The following ARFGAP1 variants were observed in gnomAD, a reference collection of about 807,000 sequenced individuals.
The protein encoded by ARFGAP1 is ADP-ribosylation factor GTPase-activating protein 1.
Under a neutral mutation model 54.0 loss-of-function variants are expected in ARFGAP1, and 26 were observed. That is an observed-to-expected ratio of 0.48 (90% CI 0.35 to 0.67). ARFGAP1 has a LOEUF of 0.67. Ranked by LOEUF, ARFGAP1 falls within the 30% of genes least tolerant of loss-of-function variation. The pLI, the probability that ARFGAP1 is intolerant of heterozygous loss-of-function variation, is 0.00. For missense variants in ARFGAP1, 525 were observed against 535.8 expected (o/e 0.98, Z 0.20); for synonymous variants, 248 against 211.9 (o/e 1.17, Z -1.48).
At chr20:63,284,656 G>T in intron 9 of ARFGAP1, 1 of 1,410,696 alleles carries the variant, frequency 7.1e-7, no homozygotes, top group South Asian at 1.4e-5. Context: ...AATTGGTGGG[G>T]GCCGCGGTCT....
At position 63,276,605 on chromosome 20, in the gene ARFGAP1, T is replaced by C. The variant is rs2067243096; in HGVS notation, c.296T>C (p.Leu99Ser). ...SQEDYDPCWS[L>S]QEKYNSRAAA... ...GAGGATTACGATCCTTGCTGGTCCT[T>C]GCAGGAGAAGTACAACAGCAGAGCC... Residue 99 changes from leucine (L) to serine (S), a missense_variant, in exon 4 of 13, where the codon TTG becomes TCG. Leu to Ser is a moderately radical substitution (Grantham distance 145). Around this residue, in one of 3 missense-constraint regions of ARFGAP1, gnomAD observed 466 missense variants for 453.6 expected, o/e 1.03. Coordinates refer to ENST00000370283, the MANE Select transcript of ARFGAP1 (RefSeq NM_018209.4). The surrounding 1 kb of genome is among the most constrained non-coding windows in gnomAD (Gnocchi z 5.2). 6.2e-7 allele frequency: 1 copy of C among 1,613,844 alleles called. No homozygotes were observed. Among genetic ancestry groups the C allele is most frequent in the Non-Finnish European group, 8.5e-7 (1 of 1,179,936 alleles).
rs1159965515 is a variant in ARFGAP1, at chr20:63,288,306, C to G, written c.*433C>G. 1 of 468,810 alleles carries G rather than the reference C, an allele frequency of 2.1e-6. No homozygotes were observed. The highest frequency in any genetic ancestry group is 2.0e-5 in the African/African-American group (1 of 50,626). The allele number at this position is 468,810 out of a possible 1,614,324, so 29.0% of individuals were successfully genotyped here. A position where few individuals can be genotyped will look rare whatever the true frequency, so the allele number is the denominator to read the frequency against. ...TGAGATATTTAACTTTGGTTTTGCT[C>G]TAGTTCTTTCTTTTTGAAGAGAGTG... On this transcript the variant is annotated 3_prime_UTR_variant, in exon 13 of 13. Transcript: ENST00000370283.
chr20:63,285,999 G>A, intron 11 of ARFGAP1: 1 of 1,532,216 alleles, frequency 6.5e-7, no homozygotes. Context: ...CGTCTTTGCT[G>A]CCATCAGTCC....
chr20:63,285,785 C>T, intron 11 of ARFGAP1, 72 bp downstream of exon 11: 5 of 1,575,484 alleles, frequency 3.2e-6, no homozygotes, highest in South Asian at 2.2e-5. Flanking sequence ...GGCGTGAGAG[C>T]AGGGTGTGCC....
intron 5 of ARFGAP1, among the ~76,000 whole-genome samples, chr20:63,277,655 C>T (rs560949131): frequency 6.6e-6 from 1 of 152,294 alleles, no homozygotes; most frequent in South Asian, 2.1e-4. Flanking sequence ...GGCCCTGGCA[C>T]CCTTGAACTG....
intron 7 of ARFGAP1, among the ~76,000 whole-genome samples, chr20:63,279,872 C>G (rs2067332772): frequency 6.6e-6 from 1 of 152,218 alleles, no homozygotes; most frequent in African/African-American, 2.4e-5. Context: ...GGTGTGATGG[C>G]TCACGCCTGT....
chr20:63,279,190 A>G (rs2067314247), intron 7 of ARFGAP1, 195 bp downstream of exon 7: 1 of 674,988 alleles, frequency 1.5e-6, no homozygotes, highest in South Asian at 1.6e-5. Flanking sequence ...AAATGTATTC[A>G]ATCACTTCCT....
At chr20:63,286,124 G>T (rs776849295) in intron 11 of ARFGAP1, 1 of 1,550,134 alleles carries the variant, frequency 6.5e-7, no homozygotes, top group African/African-American at 1.4e-5. Flanking sequence ...CAAGCATGTG[G>T]TGGGAGCTCT....
intron 12 of ARFGAP1, chr20:63,286,961 C>G: frequency 6.1e-6 from 1 of 164,016 alleles, no homozygotes; most frequent in Non-Finnish European, 1.3e-5. Context: ...CTGCTGGAAG[C>G]TGGCTGCTGT....
intron 8 of ARFGAP1, among the ~76,000 whole-genome samples, chr20:63,281,725 C>T (rs746707105): frequency 6.6e-6 from 1 of 152,172 alleles, no homozygotes; most frequent in Non-Finnish European, 1.5e-5. Flanking sequence ...GTTTTGAGAG[C>T]GATTTCTCTC....
At position 63,276,781 on chromosome 20, in the gene ARFGAP1, A is replaced by C; in HGVS notation, c.342+130A>C. On this transcript the variant is annotated intron_variant, in intron 4 of 12. Transcript: ENST00000370283. This position sits in a 1 kb window ranked among gnomAD's most constrained non-coding sequence, Gnocchi z 5.2. ...GGTTCTGACACACCCACTGGGCCACACACAACTTGCCGCCCTGGAGCAGAG... is the reference window on the plus strand; with the variant it reads ...GGTTCTGACACACCCACTGGGCCACCCACAACTTGCCGCCCTGGAGCAGAG... 1 of 1,136,578 alleles carries C rather than the reference A, an allele frequency of 8.8e-7. No individual in the cohort carries two copies. Among genetic ancestry groups the C allele is most frequent in the Non-Finnish European group, 1.2e-6 (1 of 823,670 alleles). The allele number at this position is 1,136,578 out of a possible 1,614,324, so 70.4% of individuals were successfully genotyped here.
At chr20:63,280,184 G>T (rs145261332) in intron 7 of ARFGAP1, among the ~76,000 whole-genome samples, 7 of 152,358 alleles carry the variant, frequency 4.6e-5, no homozygotes, top group Middle Eastern at 6.8e-3. Flanking sequence ...ATTGTTGTCC[G>T]TGACACCAGC....
intron 2 of ARFGAP1, 79 bp downstream of exon 2, chr20:63,275,719 T>A: frequency 7.1e-7 from 1 of 1,411,338 alleles, no homozygotes; most frequent in Non-Finnish European, 1.0e-6. Flanking sequence ...TCTGAGCCTG[T>A]AGTTCTGGGA....
intron 9 of ARFGAP1, 62 bp downstream of exon 9, chr20:63,282,913 G>A (rs960402756): frequency 1.9e-4 from 293 of 1,577,386 alleles, no homozygotes; most frequent in Non-Finnish European, 2.4e-4. Flanking sequence ...CTGACGTCAC[G>A]TGCAGCACCT....
rs2067416957 is a variant in ARFGAP1 at position 63,282,729 on chromosome 20, A to G, written c.685-90A>G. On this transcript the variant is annotated intron_variant, in intron 8 of 12. Transcript: ENST00000370283. ...GGCAGCCCGGGGGCCATTGAGAGACAGTCCTGGACCTGAGTCTGTGGGCCC... is the reference window on the plus strand; with the variant it reads ...GGCAGCCCGGGGGCCATTGAGAGACGGTCCTGGACCTGAGTCTGTGGGCCC... 5 of 1,388,686 alleles carry G rather than the reference A, an allele frequency of 3.6e-6. 1 individual carries two copies. In the South Asian group the frequency reaches 5.8e-5, roughly 16 times the overall value. The allele number at this position is 1,388,686 out of a possible 1,614,324, so 86.0% of individuals were successfully genotyped here.
At position 63,288,442 on chromosome 20, in the gene ARFGAP1, G is replaced by A. The variant is rs1429930242; in HGVS notation, c.*569G>A. ...TGCCTGGGCCTGTGCTGTCAGACCC[G>A]CGTCGGTCGTAACCCTCTGTGGCTC... On this transcript the variant is annotated 3_prime_UTR_variant, in exon 13 of 13. Coordinates refer to ENST00000370283, the MANE Select transcript of ARFGAP1 (RefSeq NM_018209.4). 4.4e-6 allele frequency: 2 copies of A among 455,956 alleles called. No individual in the cohort carries two copies. Among genetic ancestry groups the A allele is most frequent in the African/African-American group, 2.0e-5 (1 of 50,060 alleles). The allele number at this position is 455,956 out of a possible 1,614,324, so 28.2% of individuals were successfully genotyped here.
chr20:63,280,554 C>A (rs1275465104), intron 7 of ARFGAP1, among the ~76,000 whole-genome samples: 1 of 152,262 alleles, frequency 6.6e-6, no homozygotes, highest in African/African-American at 2.4e-5. Flanking sequence ...TGCAAGAGCC[C>A]CCAAGTGTGT....
At chr20:63,283,924 G>A (rs769019193) in intron 9 of ARFGAP1, 39 of 1,610,424 alleles carry the variant, frequency 2.4e-5, no homozygotes, top group Admixed American at 1.3e-4. Context: ...CATCTCCGCC[G>A]AGAATGTGCT....
chr20:63,276,758 T>C lies in ARFGAP1; in HGVS notation c.342+107T>C, dbSNP rs1013114482. ...GTTCTGGAGTCGGTTCTTCTGCTGG[T>C]TCTGACACACCCACTGGGCCACACA... On this transcript the variant is annotated intron_variant, in intron 4 of 12. Transcript: ENST00000370283. This position sits in a 1 kb window ranked among gnomAD's most constrained non-coding sequence, Gnocchi z 5.2. The C allele has an allele frequency of 7.7e-7, 1 of 1,305,694 alleles. No individual in the cohort carries two copies. The highest frequency in any genetic ancestry group is 1.0e-6 in the Non-Finnish European group (1 of 968,852). 80.9% of individuals were successfully genotyped at this position (1,305,694 alleles called of 1,614,324 possible).
Sources: gnomAD v4.1 joint callset for allele counts (sites outside exome capture counted in the v4.1 genomes callset) on GRCh38, gnomAD v4.1.1 for gene constraint, gnomAD v4.1.1 regional missense constraint, Gnocchi (gnomAD v3.1) non-coding constraint, MANE v1.5 for transcripts, NCBI Gene and HGNC (gene_info 2026-07-23, HGNC 2026-07-21) for gene names.